Variants in TYW1 observed in about 807,000 individuals in gnomAD.
TYW1 encodes tRNA-yW synthesizing protein 1 homolog.
A neutral mutation model predicts 96.2 loss-of-function variants in TYW1; 46 were observed. That is an observed-to-expected ratio of 0.48 (90% confidence interval 0.38 to 0.61). The LOEUF is 0.61. Among genes scored for constraint, TYW1 ranks in the 20% least tolerant of loss-of-function variants. The pLI is 0.00. For missense variants in TYW1, 684 were observed against 909.6 expected, an observed-to-expected ratio of 0.75 and a Z score of 3.19; for synonymous variants, 274 against 323.0, an observed-to-expected ratio of 0.85 and a Z score of 1.63.
intron 1 of TYW1, 104 bp from the exon 2 acceptor site, chr7:66,997,961 G>A (rs1793246032): frequency 7.2e-7 from 1 of 1,380,370 alleles, no homozygotes; most frequent in South Asian, 1.5e-5. Flanking sequence ...TTTCTTAGCT[G>A]GGTTGTTGAA....
chr7:67,120,342 G>A (rs776332954), intron 13 of TYW1, among the ~76,000 whole-genome samples: 7 of 152,044 alleles, frequency 4.6e-5, no homozygotes, highest in Non-Finnish European at 7.4e-5. Flanking sequence ...CTCAACCTCC[G>A]AAAGTGCTGG....
chr7:67,230,687 C>G (rs1182218814), intron 15 of TYW1, among the ~76,000 whole-genome samples: 2 of 131,558 alleles, frequency 1.5e-5, no homozygotes, highest in Admixed American at 8.4e-5. Flanking sequence ...GAGTCTTGCT[C>G]TGTCCCCCAG....
At chr7:67,175,759 A>G (rs990069493) in intron 13 of TYW1, among the ~76,000 whole-genome samples, 1 of 152,226 alleles carries the variant, frequency 6.6e-6, no homozygotes, top group Non-Finnish European at 1.5e-5. Context: ...CTTGTAGCCA[A>G]TTAGGATTAG....
chr7:67,169,424 G>A (rs1296668969), intron 13 of TYW1, among the ~76,000 whole-genome samples: 2 of 151,054 alleles, frequency 1.3e-5, no homozygotes, highest in Admixed American at 6.6e-5. Flanking sequence ...TTTTTGAGAT[G>A]GAGTCTCGCT....
Position 67,050,060 on chromosome 7 carries a change from A to G in TYW1, c.1096A>G (p.Lys366Glu). The stretch of plus-strand genomic sequence containing the variant: ...TCCTGCTCTCCGAGAAGCCCTTACT[A>G]AACAAGGTGAAAATCTTCAAGAATT... ...ITPALREALT[K>E]QGYQLIGSHS... The change falls in exon 8 of 16, where the codon AAA (lysine) becomes GAA (glutamate). Residue 366 changes from lysine (K) to glutamate (E), a missense_variant. Lys to Glu is a moderately conservative substitution (Grantham distance 56, BLOSUM62 1). Coordinates refer to ENST00000359626, the MANE Select transcript of TYW1 (RefSeq NM_018264.4). 1.9e-6 allele frequency: 3 copies of G among 1,612,502 alleles called. No homozygotes were observed. The highest frequency in any genetic ancestry group is 2.5e-6 in the Non-Finnish European group (3 of 1,179,422).
chr7:67,232,656 A>G (rs1393683147), intron 15 of TYW1, among the ~76,000 whole-genome samples: 1 of 131,746 alleles, frequency 7.6e-6, no homozygotes, highest in Non-Finnish European at 1.6e-5. Context: ...CAACCTCAGT[A>G]TCTTGTCATC....
intron 15 of TYW1, among the ~76,000 whole-genome samples, chr7:67,217,339 A>G (rs1309993886): frequency 9.2e-5 from 14 of 152,108 alleles, no homozygotes; most frequent in African/African-American, 2.4e-4. Context: ...GCTATATTCA[A>G]TGTCATGAAG....
chr7:67,048,090 A>AAAATTTTTAATCTGTTTTATC (rs2129260678), intron 7 of TYW1, among the ~76,000 whole-genome samples: 1 of 136 alleles, frequency 7.4e-3, no homozygotes, highest in Non-Finnish European at 0.014. Context: ...GCCCAGCCAC[A>AAAATTTTTAATCTGTTTTATC]TATGGGGGAC....
At chr7:67,145,066 T>TTTTTGAGACGGAGTCTCGC (rs1245413235) in intron 13 of TYW1, among the ~76,000 whole-genome samples, 1 of 148,562 alleles carries the variant, frequency 6.7e-6, no homozygotes, top group African/African-American at 2.5e-5. Flanking sequence ...TTTTTTTGTT[T>TTTTTGAGACGGAGTCTCGC]TCAGTTGTTA....
intron 14 of TYW1, among the ~76,000 whole-genome samples, chr7:67,186,266 C>CGCCCCG (rs1331840952): frequency 5.0e-5 from 2 of 39,784 alleles, no homozygotes; most frequent in African/African-American, 2.9e-4. Context: ...TTCCTTTCTT[C>CGCCCCG]CCCCCCGCCC....
intron 6 of TYW1, among the ~76,000 whole-genome samples, chr7:67,019,274 T>A (rs1306846535): frequency 6.6e-6 from 1 of 152,160 alleles, no homozygotes; most frequent in Non-Finnish European, 1.5e-5. Context: ...CATACTCATT[T>A]CCTCCCCAAC....
At chr7:67,152,624 CAG>C (rs1416335271) in intron 13 of TYW1, among the ~76,000 whole-genome samples, 1 of 152,098 alleles carries the variant, frequency 6.6e-6, no homozygotes, top group African/African-American at 2.4e-5. Flanking sequence ...TTCTTTGAGA[CAG>C]AGTCTCCCTC....
chr7:67,007,844 T>C (rs1170472608), intron 3 of TYW1, among the ~76,000 whole-genome samples: 2 of 152,018 alleles, frequency 1.3e-5, no homozygotes, highest in Non-Finnish European at 2.9e-5. Context: ...CATGTTGGTC[T>C]GGCTGGTCTT....
chr7:67,139,093 G>A (rs1051219756), intron 13 of TYW1, among the ~76,000 whole-genome samples: 5 of 151,928 alleles, frequency 3.3e-5, no homozygotes, highest in South Asian at 2.1e-4. Context: ...TTGCTCTGTC[G>A]CCCAGGCTGG....
intron 11 of TYW1, among the ~76,000 whole-genome samples, chr7:67,091,537 C>T (rs575279883): frequency 3.3e-5 from 5 of 152,232 alleles, no homozygotes; most frequent in African/African-American, 1.2e-4. Flanking sequence ...ACATTGCTCA[C>T]ATGTACCCTA....
At chr7:67,198,887 C>T (rs2116354314) in intron 15 of TYW1, among the ~76,000 whole-genome samples, 1 of 152,274 alleles carries the variant, frequency 6.6e-6, no homozygotes, top group East Asian at 1.9e-4. Context: ...TTCCCCCCTT[C>T]CCTTTCTTTT....
chr7:67,131,513 T>C (rs1798073725), intron 13 of TYW1, among the ~76,000 whole-genome samples: 1 of 152,212 alleles, frequency 6.6e-6, no homozygotes, highest in Non-Finnish European at 1.5e-5. Flanking sequence ...GGAATCAGTA[T>C]CCTGTAATTG....
intron 4 of TYW1, among the ~76,000 whole-genome samples, chr7:67,010,077 G>A (rs1793740188): frequency 6.6e-6 from 1 of 151,538 alleles, no homozygotes; most frequent in Admixed American, 6.6e-5. Flanking sequence ...CCGTCTCCAG[G>A]TTCAAGTGAT....
intron 7 of TYW1, among the ~76,000 whole-genome samples, chr7:67,049,086 C>T (rs1253700206): frequency 2.6e-5 from 4 of 152,150 alleles, no homozygotes; most frequent in African/African-American, 4.8e-5. Context: ...GTCTCTGAGC[C>T]GATGGCTCTC....
Sources: allele counts gnomAD v4.1 joint callset (sites outside exome capture counted in the v4.1 genomes callset), GRCh38; gene constraint gnomAD v4.1.1; transcripts MANE v1.5; gene names NCBI Gene and HGNC (gene_info 2026-07-23, HGNC 2026-07-21).